Variants in ALOX12B observed in about 807,000 individuals in gnomAD.
ALOX12B encodes the protein arachidonate 12-lipoxygenase, 12R-type.
Under a neutral mutation model 78.9 loss-of-function variants are expected in ALOX12B, and 47 were observed. The observed-to-expected ratio is 0.60, with a 90% CI of 0.47 to 0.76. The LOEUF (loss-of-function observed/expected upper bound fraction) is 0.76. ALOX12B is among the 30% of genes least tolerant of loss of function. The pLI is 0.00. For missense variants in ALOX12B, 805 were observed against 922.6 expected (o/e 0.87, Z 1.65); for synonymous variants, 370 against 374.5 (o/e 0.99, Z 0.14).
At chr17:8,086,637 G>C (rs897560251) in intron 1 of ALOX12B, among the ~76,000 whole-genome samples, 44 of 152,198 alleles carry the variant, frequency 2.9e-4, no homozygotes, top group African/African-American at 9.2e-4. Flanking sequence ...CACATAGATA[G>C]AGTGACCTAT....
rs1052716260 is a variant in ALOX12B at position 8,079,697 on chromosome 17, G to A, written c.927+72C>T. ...CCTGGGACTGGCGCGGGCGCCGGAG[G>A]TGGGGAGAGACGGGGATGCCCGCGA... On this transcript the variant is annotated intron_variant, in intron 7 of 14. Transcript: ENST00000647874. This position sits in a 1 kb window ranked among gnomAD's most constrained non-coding sequence, Gnocchi z 6.4. 3 of 1,559,978 alleles carry A rather than the reference G, an allele frequency of 1.9e-6. No homozygotes were observed. Among genetic ancestry groups the A allele is most frequent in the African/African-American group, 2.7e-5 (2 of 73,418 alleles).
In ALOX12B at chr17:8,079,896, T is replaced by TG. The variant is rs1478989829; in HGVS notation, c.799dup (p.Gln267ProfsTer107). 1.1e-5 allele frequency: 17 copies of TG among 1,613,266 alleles called. No individual in the cohort carries two copies. The highest frequency in any genetic ancestry group is 1.4e-5 in the Non-Finnish European group (17 of 1,179,844). On this transcript the variant is annotated frameshift_variant, in exon 7 of 15. Coordinates refer to ENST00000647874, the MANE Select transcript of ALOX12B (RefSeq NM_001139.3). LOFTEE classifies it high-confidence loss of function. The surrounding 1 kb of genome is among the most constrained non-coding windows in gnomAD (Gnocchi z 6.4). Reference sequence around the variant, plus strand: ...GCCGGGGTTGACGCCGTTGAGGTACTGGTACCCAAAGAAGGTGTCCTCTGC... The same window carrying TG: ...GCCGGGGTTGACGCCGTTGAGGTACTGGGTACCCAAAGAAGGTGTCCTCTGC...
chr17:8,073,014 G>T, intron 14 of ALOX12B, 64 bp from the exon 15 acceptor site: 1 of 1,595,516 alleles, frequency 6.3e-7, no homozygotes, highest in Admixed American at 1.7e-5. Flanking sequence ...CCTGCCGGTG[G>T]CCCTGGCCCC....
chr17:8,079,599 G>A lies in ALOX12B; in HGVS notation c.928-60C>T. 1 of 1,544,272 alleles carries A rather than the reference G, an allele frequency of 6.5e-7. No individual in the cohort carries two copies. The highest frequency in any genetic ancestry group is 2.5e-5 in the East Asian group (1 of 40,774). ...CCCACACGGGAAGCCCGTGACCCGC[G>A]CCGCAGGTGCACAGGGCGCTGGCGA... On this transcript the variant is annotated intron_variant, in intron 7 of 14. Transcript: ENST00000647874. This position sits in a 1 kb window ranked among gnomAD's most constrained non-coding sequence, Gnocchi z 6.4.
intron 8 of ALOX12B, among the ~76,000 whole-genome samples, chr17:8,078,041 A>G (rs1358909669): frequency 1.3e-5 from 2 of 152,222 alleles, no homozygotes; most frequent in African/African-American, 4.8e-5. Flanking sequence ...ACAGTGTAAC[A>G]ACTATCTACA....
At position 8,079,338 on chromosome 17, in the gene ALOX12B, C is replaced by T. The variant is rs533840675; in HGVS notation, c.1071+58G>A. The T allele has an allele frequency of 2.3e-4, 350 of 1,546,294 alleles. 2 individuals carry two copies. Among genetic ancestry groups the T allele is most frequent in the South Asian group, 2.3e-3 (189 of 83,724 alleles). On this transcript the variant is annotated intron_variant, in intron 8 of 14. Coordinates refer to ENST00000647874, the MANE Select transcript of ALOX12B (RefSeq NM_001139.3). This position sits in a 1 kb window ranked among gnomAD's most constrained non-coding sequence, Gnocchi z 6.4. ...ACGCTCACATAAGCGCGCGCACACTCGGAGGAGCATTCGCGCACACAGAGG... is the reference window on the plus strand; with the variant it reads ...ACGCTCACATAAGCGCGCGCACACTTGGAGGAGCATTCGCGCACACAGAGG...
At chr17:8,073,457 ACTGGGGGTGGGG>A in intron 13 of ALOX12B, 139 bp from the exon 14 acceptor site, 1 of 1,185,504 alleles carries the variant, frequency 8.4e-7, no homozygotes, top group Non-Finnish European at 1.2e-6. Flanking sequence ...GGTTGGTTAG[ACTGGGGGTGGGG>A]CTGGGTGTGG....
At position 8,077,115 on chromosome 17, in the gene ALOX12B, A is replaced by ACGT. The variant is rs767548961; in HGVS notation, c.1147_1149dup (p.Thr383dup). On this transcript the variant is annotated inframe_insertion, in exon 9 of 15. Transcript: ENST00000647874. ...CTGTAGAACTCCGCATAGCGTACCC[A>ACGT]CGTCTTGGCTAGCAGCCAGTCCCAC... The ACGT allele has an allele frequency of 6.2e-7, 1 of 1,613,892 alleles. No homozygotes were observed. Among genetic ancestry groups the ACGT allele is most frequent in the Non-Finnish European group, 8.5e-7 (1 of 1,179,982 alleles).
intron 2 of ALOX12B, among the ~76,000 whole-genome samples, chr17:8,082,842 C>T (rs777357328): frequency 3.3e-5 from 5 of 152,086 alleles, no homozygotes; most frequent in African/African-American, 1.2e-4. Context: ...GAGGCTGGTC[C>T]CCAACACCAG....
chr17:8,073,785 A>T (rs1313052652), intron 12 of ALOX12B, 28 bp from the exon 13 acceptor site: 3 of 1,592,290 alleles, frequency 1.9e-6, no homozygotes, highest in Non-Finnish European at 2.6e-6. Flanking sequence ...AGCCCAGGCG[A>T]CATCAGTCGT....
intron 2 of ALOX12B, among the ~76,000 whole-genome samples, chr17:8,082,048 T>C (rs767680379): frequency 6.6e-6 from 1 of 152,202 alleles, no homozygotes; most frequent in Non-Finnish European, 1.5e-5. Flanking sequence ...GTTCCATCCA[T>C]GTTGCTGCAA....
At position 8,076,763 on chromosome 17, in the gene ALOX12B, G is replaced by A. The variant is rs1035682669; in HGVS notation, c.1276-20C>T. 1.1e-5 allele frequency: 17 copies of A among 1,548,062 alleles called. No homozygotes were observed. Among genetic ancestry groups the A allele is most frequent in the Non-Finnish European group, 1.4e-5 (16 of 1,145,452 alleles). ...GAGGAGCTGTGGGGAGAGCAAGGAG[G>A]ATGAAGAGAGAGGGCTGAAGTGGCC... On this transcript the variant is annotated intron_variant, in intron 9 of 14. Transcript: ENST00000647874.
chr17:8,077,395 C>A (rs1977110526), intron 8 of ALOX12B, among the ~76,000 whole-genome samples: 1 of 152,204 alleles, frequency 6.6e-6, no homozygotes, highest in African/African-American at 2.4e-5. Context: ...ACTGCAGTAC[C>A]TTCCTCTTGC....
At chr17:8,075,800 C>A in intron 11 of ALOX12B, 84 bp from the exon 12 acceptor site, 1 of 1,611,424 alleles carries the variant, frequency 6.2e-7, no homozygotes, top group South Asian at 1.1e-5. Context: ...CCAGGGTGCC[C>A]TGACCTCAGT....
At chr17:8,074,971 G>A (rs1977051048) in intron 12 of ALOX12B, among the ~76,000 whole-genome samples, 1 of 152,198 alleles carries the variant, frequency 6.6e-6, no homozygotes, top group South Asian at 2.1e-4. Flanking sequence ...ATCTTAGCTT[G>A]CTGCTCCTGC....
chr17:8,076,800 T>C, intron 9 of ALOX12B, 57 bp from the exon 10 acceptor site: 1 of 1,513,744 alleles, frequency 6.6e-7, no homozygotes, highest in Non-Finnish European at 9.0e-7. Flanking sequence ...CCAAAGGAGC[T>C]CAGCTCCCCA....
chr17:8,082,962 G>A lies in ALOX12B; in HGVS notation c.353-1775C>T, dbSNP rs564970069. ...CCCTTCGTCACAACTGCAAAGTACA[G>A]AAAGCTGTGGAAATCAAGTTTGTCT... On this transcript the variant is annotated intron_variant, in intron 2 of 14. Transcript: ENST00000647874. Among the ~76,000 whole-genome samples the A allele has an allele frequency of 7.2e-5, 11 of 152,274 alleles. No homozygotes were observed. The South Asian group carries it at 2.3e-3, about 32-fold the overall frequency.
intron 1 of ALOX12B, among the ~76,000 whole-genome samples, chr17:8,086,879 G>C (rs2151825100): frequency 6.6e-6 from 1 of 152,190 alleles, no homozygotes; most frequent in East Asian, 1.9e-4. Context: ...CAAAGGGGAA[G>C]GAAAGCAGGT....
intron 8 of ALOX12B, among the ~76,000 whole-genome samples, chr17:8,078,082 A>G (rs996312283): frequency 6.6e-6 from 1 of 152,128 alleles, no homozygotes; most frequent in Admixed American, 6.5e-5. Flanking sequence ...ATTGGGTACT[A>G]TAAGAAATCC....
Sources: gnomAD v4.1 joint callset for allele counts (sites outside exome capture counted in the v4.1 genomes callset) on GRCh38, gnomAD v4.1.1 for gene constraint, Gnocchi (gnomAD v3.1) non-coding constraint, MANE v1.5 for transcripts, NCBI Gene and HGNC (gene_info 2026-07-23, HGNC 2026-07-21) for gene names.